The following MCUB variants were observed in gnomAD, a reference collection of about 807,000 sequenced individuals.
MCUB encodes mitochondrial calcium uniporter dominant negative subunit beta, also known as calcium uniporter regulatory subunit MCUb, mitochondrial.
Under a neutral mutation model 41.4 loss-of-function variants are expected in MCUB, and 46 were observed. The observed-to-expected ratio is 1.11, with a 90% confidence interval of 0.88 to 1.42. MCUB has a LOEUF of 1.42. Among genes scored for constraint, MCUB ranks in the 40% most tolerant of loss-of-function variants. The pLI, the probability that MCUB is intolerant of heterozygous loss-of-function variation, is 0.00. For missense variants in MCUB, 403 were observed against 404.9 expected, an observed-to-expected ratio of 1.00 and a Z score of 0.04; for synonymous variants, 148 against 148.2, an observed-to-expected ratio of 1.00 and a Z score of 0.01.
At chr4:109,604,858 T>G (rs1338621638) in intron 1 of MCUB, among the ~76,000 whole-genome samples, 8 of 152,208 alleles carry the variant, frequency 5.3e-5, no homozygotes. Context: ...GGTTCCCTCC[T>G]TGGGATAAAA....
intron 1 of MCUB, among the ~76,000 whole-genome samples, chr4:109,617,389 C>T (rs958587499): frequency 7.9e-5 from 12 of 152,140 alleles, no homozygotes; most frequent in African/African-American, 2.7e-4. Flanking sequence ...AAATAAGGCT[C>T]CCCACACATT....
rs1726587409 is a variant in MCUB, at chr4:109,560,280, C to T, written c.-58C>T. 1 of 892,878 alleles carries T rather than the reference C, an allele frequency of 1.1e-6. No homozygotes were observed. Among genetic ancestry groups the T allele is most frequent in the Non-Finnish European group, 1.5e-6 (1 of 678,310 alleles). The allele number at this position is 892,878 out of a possible 1,614,324, so 55.3% of individuals were successfully genotyped here. On this transcript the variant is annotated 5_prime_UTR_variant, in exon 1 of 8. Transcript: ENST00000394650. ...AGCCACCAGGCGCTGACGAGGAGCC[C>T]GGCTGAGGGAGGATGCGCCGCTGAC... is the stretch of plus-strand genomic sequence containing the variant.
intron 1 of MCUB, among the ~76,000 whole-genome samples, chr4:109,589,371 G>A (rs932808973): frequency 1.3e-5 from 2 of 152,090 alleles, no homozygotes; most frequent in African/African-American, 2.4e-5. Context: ...AACTTTCCAG[G>A]GAGTTTACTG....
At chr4:109,671,680 C>T (rs1208358426) in intron 4 of MCUB, among the ~76,000 whole-genome samples, 1 of 152,224 alleles carries the variant, frequency 6.6e-6, no homozygotes, top group Non-Finnish European at 1.5e-5. Flanking sequence ...TACTATCCTA[C>T]TCTGATACTT....
intron 1 of MCUB, among the ~76,000 whole-genome samples, chr4:109,603,560 G>T (rs1007161366): frequency 3.3e-5 from 5 of 150,232 alleles, no homozygotes; most frequent in Admixed American, 1.3e-4. Flanking sequence ...GCTGCCCATC[G>T]TCTGGGAGGT....
intron 4 of MCUB, among the ~76,000 whole-genome samples, chr4:109,667,792 A>G (rs1008082367): frequency 5.4e-4 from 82 of 151,432 alleles, no homozygotes; most frequent in African/African-American, 1.9e-3. Flanking sequence ...ATTCAATCCT[A>G]TAGATTCCCC....
At chr4:109,603,707 C>T (rs370495183) in intron 1 of MCUB, among the ~76,000 whole-genome samples, 13 of 151,518 alleles carry the variant, frequency 8.6e-5, no homozygotes, top group South Asian at 8.3e-4. Context: ...CGCCTCTGTC[C>T]GGCTGCCCCA....
intron 1 of MCUB, among the ~76,000 whole-genome samples, chr4:109,597,618 A>G (rs1335224097): frequency 1.5e-3 from 93 of 61,034 alleles, no homozygotes; most frequent in African/African-American, 3.0e-3. Flanking sequence ...CGGATGGGGC[A>G]GCTGGCCGGG....
intron 1 of MCUB, among the ~76,000 whole-genome samples, chr4:109,638,337 A>G (rs560560673): frequency 1.2e-4 from 18 of 152,274 alleles, no homozygotes; most frequent in Admixed American, 4.6e-4. Context: ...AGCCTGGGCA[A>G]CAGAGCGAAA....
chr4:109,573,789 C>A (rs1009101393), intron 1 of MCUB, among the ~76,000 whole-genome samples: 1 of 150,516 alleles, frequency 6.6e-6, no homozygotes, highest in Non-Finnish European at 1.5e-5. Flanking sequence ...AGAACACTAA[C>A]AAAGCTGGAC....
chr4:109,684,051 A>C (rs1420933252), intron 5 of MCUB, among the ~76,000 whole-genome samples: 1 of 150,212 alleles, frequency 6.7e-6, no homozygotes, highest in African/African-American at 2.5e-5. Context: ...CATTTGTTCA[A>C]GAGTTCCTCT....
At chr4:109,641,295 G>A (rs1164867089) in intron 1 of MCUB, among the ~76,000 whole-genome samples, 2 of 150,432 alleles carry the variant, frequency 1.3e-5, no homozygotes, top group African/African-American at 2.4e-5. Context: ...TAGTAGAGAC[G>A]GGTTTTCACC....
intron 4 of MCUB, among the ~76,000 whole-genome samples, 199 bp from the exon 5 acceptor site, chr4:109,682,383 T>C (rs754442783): frequency 3.3e-5 from 5 of 152,076 alleles, no homozygotes; most frequent in Admixed American, 6.5e-5. Context: ...TGTTGTTTAC[T>C]GTGACTCTCT....
chr4:109,624,667 T>A (rs546125290), intron 1 of MCUB, among the ~76,000 whole-genome samples: 1 of 152,290 alleles, frequency 6.6e-6, no homozygotes, highest in African/African-American at 2.4e-5. Flanking sequence ...AAGTTATACC[T>A]GAGGCACCAA....
chr4:109,680,553 T>A (rs1729692744), intron 4 of MCUB, among the ~76,000 whole-genome samples: 1 of 151,620 alleles, frequency 6.6e-6, no homozygotes, highest in Non-Finnish European at 1.5e-5. Flanking sequence ...ATGTTTTATG[T>A]ACCAATACAT....
At chr4:109,588,374 G>A (rs759345975) in intron 1 of MCUB, among the ~76,000 whole-genome samples, 8 of 152,176 alleles carry the variant, frequency 5.3e-5, no homozygotes, top group African/African-American at 7.2e-5. Context: ...GGCAGCAGCC[G>A]AGAAATTGCT....
chr4:109,603,556 C>G (rs911225532), intron 1 of MCUB, among the ~76,000 whole-genome samples: 2 of 151,624 alleles, frequency 1.3e-5, no homozygotes, highest in Non-Finnish European at 2.9e-5. Context: ...CCTGGCTGCC[C>G]ATCGTCTGGG....
In MCUB at chr4:109,684,562, C is replaced by T; in HGVS notation, c.732C>T (p.Ser244=). The T allele has an allele frequency of 6.2e-7, 1 of 1,608,394 alleles. No individual in the cohort carries two copies. The highest frequency in any genetic ancestry group is 8.5e-7 in the Non-Finnish European group (1 of 1,174,860). Residue 244 remains serine, a synonymous_variant, in exon 6 of 8, where the codon TCC becomes TCT. Transcript: ENST00000394650. The part of the protein sequence containing the change: ...ALAWLTWWVY[S]WDIMEPVTYF... ...CCTGGCTCACGTGGTGGGTGTACTC[C>T]TGGGATATCATGGAGCCAGTTACAT...
chr4:109,621,767 A>C (rs968875843), intron 1 of MCUB, among the ~76,000 whole-genome samples: 2 of 152,374 alleles, frequency 1.3e-5, no homozygotes, highest in East Asian at 3.9e-4. Flanking sequence ...TAATGTCACT[A>C]TAAGTTATTA....
Sources: allele counts gnomAD v4.1 joint callset (sites outside exome capture counted in the v4.1 genomes callset), GRCh38; gene constraint gnomAD v4.1.1; transcripts MANE v1.5; gene names NCBI Gene and HGNC (gene_info 2026-07-23, HGNC 2026-07-21).